Variants in ABTB2 observed in about 807,000 individuals in gnomAD.
ABTB2 encodes the protein ankyrin repeat and BTB domain containing 2.
ABTB2 carries 56 observed loss-of-function variants against 104.1 expected under a neutral mutation model. That is an observed-to-expected ratio of 0.54 (90% CI 0.43 to 0.67). The LOEUF is 0.67. Ranked by LOEUF, ABTB2 falls within the 30% of genes least tolerant of loss-of-function variation. The pLI is 0.00. For missense variants in ABTB2, 1,279 were observed against 1,407.7 expected, an observed-to-expected ratio of 0.91 and a Z score of 1.46; for synonymous variants, 606 against 608.2, an observed-to-expected ratio of 1.00 and a Z score of 0.05.
intron 1 of ABTB2, among the ~76,000 whole-genome samples, chr11:34,226,226 A>T (rs993061365): frequency 6.6e-6 from 1 of 150,734 alleles, no homozygotes; most frequent in African/African-American, 2.4e-5. Context: ...AAAAAAAAAA[A>T]AGAAGCCACT....
rs369522107 is a variant in ABTB2 at position 34,167,330 on chromosome 11, T to C, written c.1684A>G (p.Ile562Val). The part of the protein sequence containing the change: ...VPSNSPRHPS[I>V]HPDSRHWTSL... The stretch of plus-strand genomic sequence containing the variant: ...GTCCAGTGCCGGCTGTCGGGGTGGA[T>C]GGAAGGGTGCCTGGGGGAGTTGCTT... The change falls in exon 7 of 17, where the codon ATC becomes GTC. Residue 562 changes from isoleucine to valine, a missense_variant. Physicochemically the swap from Ile to Val is conservative, Grantham distance 29. Transcript: ENST00000435224. 2.7e-5 allele frequency: 44 copies of C among 1,613,218 alleles called. No individual in the cohort carries two copies. The East Asian group carries it at 5.4e-4, about 20-fold the overall frequency.
At chr11:34,190,687 G>A (rs563070083) in intron 3 of ABTB2, among the ~76,000 whole-genome samples, 157 of 152,288 alleles carry the variant, frequency 1.0e-3, no homozygotes, top group African/African-American at 3.6e-3. Flanking sequence ...ATTATTATTA[G>A]TCATAGTGGT....
chr11:34,194,587 A>AGTAATGCTGTAAGCTCAGC (rs147189290), intron 3 of ABTB2, among the ~76,000 whole-genome samples: 26,269 of 151,878 alleles, frequency 0.17, 2,383 homozygotes, highest in South Asian at 0.22. Context: ...CCCAGCCTGC[A>AGTAATGCTGTAAGCTCAGC]GTAATGCTGT....
chr11:34,250,764 C>G (rs184588274), intron 1 of ABTB2, among the ~76,000 whole-genome samples: 1 of 152,346 alleles, frequency 6.6e-6, no homozygotes, highest in Admixed American at 6.5e-5. Flanking sequence ...AAATGCTCTG[C>G]TCCCTCTAAT....
chr11:34,333,562 C>T (rs1855156657), intron 1 of ABTB2, among the ~76,000 whole-genome samples: 1 of 152,156 alleles, frequency 6.6e-6, no homozygotes. Flanking sequence ...TCAAGACCAG[C>T]CTGGCCAACA....
At chr11:34,192,164 A>T (rs1216916233) in intron 3 of ABTB2, among the ~76,000 whole-genome samples, 1 of 152,036 alleles carries the variant, frequency 6.6e-6, no homozygotes, top group African/African-American at 2.4e-5. Flanking sequence ...GTGGTGGGGC[A>T]CATCTGTGGT....
At chr11:34,323,389 C>T (rs1340613642) in intron 1 of ABTB2, among the ~76,000 whole-genome samples, 1 of 152,142 alleles carries the variant, frequency 6.6e-6, no homozygotes. Flanking sequence ...AGCCTGTATA[C>T]TTTTTTAATG....
chr11:34,162,626 T>C lies in ABTB2; in HGVS notation c.2168A>G (p.Tyr723Cys), dbSNP rs201209397. 1.2e-6 allele frequency: 2 copies of C among 1,613,596 alleles called. No homozygotes were observed. Among genetic ancestry groups the C allele is most frequent in the Middle Eastern group, 1.6e-4 (1 of 6,062 alleles). Reference protein sequence around the residue: ...RTKALQEAMYYSAEHGYVDIT... With the variant: ...RTKALQEAMYCSAEHGYVDIT... ...GTCCACGTAGCCGTGCTCAGCGCTG[T>C]AGTACATGGCCTCCTGTAGGGCCTT... The change falls in exon 10 of 17, where the codon TAC (tyrosine) becomes TGC (cysteine). Residue 723 changes from tyrosine to cysteine, a missense_variant. By Grantham distance (194) the Tyr-to-Cys change is radical. Transcript: ENST00000435224.
In ABTB2 at chr11:34,165,277, T is replaced by A; in HGVS notation, c.1835A>T (p.Gln612Leu). 6.4e-7 allele frequency: 1 copy of A among 1,558,404 alleles called. No individual in the cohort carries two copies. The highest frequency in any genetic ancestry group is 8.7e-7 in the Non-Finnish European group (1 of 1,151,590). Reference sequence around the variant, plus strand: ...GTGCCTACCTGCCGCAGAGGCCAGCTGCAGGGGCGTCTCCGCATAGCTGTC... The same window carrying A: ...GTGCCTACCTGCCGCAGAGGCCAGCAGCAGGGGCGTCTCCGCATAGCTGTC... ...GEDSYAETPL[Q>L]LASAAGNYEL... Residue 612 changes from glutamine (Q) to leucine (L), a missense_variant, in exon 8 of 17, where the codon CAG becomes CTG. Coordinates refer to ENST00000435224, the MANE Select transcript of ABTB2 (RefSeq NM_145804.3).
intron 1 of ABTB2, among the ~76,000 whole-genome samples, chr11:34,328,241 G>T (rs1298089366): frequency 1.3e-5 from 2 of 152,148 alleles, no homozygotes; most frequent in African/African-American, 4.8e-5. Flanking sequence ...CTTCTTCCCA[G>T]GCTTCCAGTT....
At chr11:34,221,915 T>C (rs1485961480) in intron 1 of ABTB2, among the ~76,000 whole-genome samples, 1 of 152,186 alleles carries the variant, frequency 6.6e-6, no homozygotes. Context: ...GGTGCATGCC[T>C]GTAATCCCAA....
chr11:34,276,457 A>G (rs577604227), intron 1 of ABTB2, among the ~76,000 whole-genome samples: 10 of 152,212 alleles, frequency 6.6e-5, no homozygotes, highest in Admixed American at 2.0e-4. Context: ...CTAAAATCCT[A>G]CTTGGCTGTA....
intron 14 of ABTB2, among the ~76,000 whole-genome samples, chr11:34,158,338 G>A (rs968165302): frequency 7.9e-5 from 12 of 152,136 alleles, no homozygotes; most frequent in South Asian, 4.1e-4. Context: ...GCGTGAACCC[G>A]GGAGGTGGAG....
At chr11:34,231,869 T>C (rs1435815620) in intron 1 of ABTB2, among the ~76,000 whole-genome samples, 2 of 152,180 alleles carry the variant, frequency 1.3e-5, no homozygotes, top group African/African-American at 4.8e-5. Context: ...ACACTAGTCA[T>C]GAGAAAAACT....
At chr11:34,230,862 T>C (rs1419103363) in intron 1 of ABTB2, among the ~76,000 whole-genome samples, 2 of 152,164 alleles carry the variant, frequency 1.3e-5, no homozygotes, top group East Asian at 3.8e-4. Context: ...AGTGCCCAGA[T>C]TCTGGTTTCT....
chr11:34,152,256 G>T lies in ABTB2; in HGVS notation c.*131C>A. 1 of 1,009,866 alleles carries T rather than the reference G, an allele frequency of 9.9e-7. No individual in the cohort carries two copies. The highest frequency in any genetic ancestry group is 1.4e-6 in the Non-Finnish European group (1 of 700,538). 62.6% of individuals were successfully genotyped at this position (1,009,866 alleles called of 1,614,324 possible). A position where few individuals can be genotyped will look rare whatever the true frequency, so the allele number is the denominator to read the frequency against. On this transcript the variant is annotated 3_prime_UTR_variant, in exon 17 of 17. Coordinates refer to ENST00000435224, the MANE Select transcript of ABTB2 (RefSeq NM_145804.3). ...ATGAGGGTGAGCTGCCCGGTGACAG[G>T]GGGGACATCTGGGGGAGGAGGAGGA...
At chr11:34,220,027 T>A (rs1853598842) in intron 1 of ABTB2, among the ~76,000 whole-genome samples, 1 of 152,210 alleles carries the variant, frequency 6.6e-6, no homozygotes, top group Non-Finnish European at 1.5e-5. Context: ...CACTCCCTGG[T>A]TATCTCATAG....
At chr11:34,237,359 C>A (rs1023692405) in intron 1 of ABTB2, among the ~76,000 whole-genome samples, 52 of 150,758 alleles carry the variant, frequency 3.4e-4, no homozygotes, top group Admixed American at 1.6e-3. Flanking sequence ...CTCACTGCAA[C>A]CTCCACCTCC....
At chr11:34,338,681 T>C (rs1855223699) in intron 1 of ABTB2, among the ~76,000 whole-genome samples, 2 of 152,162 alleles carry the variant, frequency 1.3e-5, no homozygotes, top group South Asian at 2.1e-4. Flanking sequence ...CCAGCCTGGA[T>C]GACAGAGGGA....
Sources: gnomAD v4.1 joint callset for allele counts (sites outside exome capture counted in the v4.1 genomes callset) on GRCh38, gnomAD v4.1.1 for gene constraint, MANE v1.5 for transcripts, NCBI Gene and HGNC (gene_info 2026-07-23, HGNC 2026-07-21) for gene names.